The following ADGRL4 variants were observed in gnomAD, a reference collection of about 807,000 sequenced individuals.
ADGRL4 encodes the protein adhesion G protein-coupled receptor L4.
In ADGRL4, 90 loss-of-function variants were observed where a neutral mutation model predicts 74.8. That is an observed-to-expected ratio of 1.20 (90% confidence interval 1.02 to 1.43). ADGRL4 has a LOEUF of 1.43. Among genes scored for constraint, ADGRL4 ranks in the 40% most tolerant of loss-of-function variants. ADGRL4 has a pLI of 0.00. For synonymous variants in ADGRL4, 311 were observed against 279.2 expected (o/e 1.11, Z -1.14); for missense variants, 881 against 814.3 (o/e 1.08, Z -1.00).
Position 78,891,109 on chromosome 1 carries a change from A to T in ADGRL4, c.*45T>A. On this transcript the variant is annotated 3_prime_UTR_variant, in exon 15 of 15. Transcript: ENST00000370742. ...TATACATTGGTCATCCACAGCTTGG[A>T]ATTTTTATTTTTGTGCAGTTGTAAT... is the stretch of plus-strand genomic sequence containing the variant. The T allele has an allele frequency of 6.3e-7, 1 of 1,588,144 alleles. No individual in the cohort carries two copies. Among genetic ancestry groups the T allele is most frequent in the Non-Finnish European group, 8.6e-7 (1 of 1,157,294 alleles).
At chr1:78,926,667 T>C (rs989637296) in intron 8 of ADGRL4, among the ~76,000 whole-genome samples, 1 of 152,028 alleles carries the variant, frequency 6.6e-6, no homozygotes, top group East Asian at 1.9e-4. Context: ...TTCCAGAGAA[T>C]CAAATTAATG....
chr1:78,932,803 CA>C (rs929266340), intron 7 of ADGRL4, among the ~76,000 whole-genome samples: 1 of 151,184 alleles, frequency 6.6e-6, no homozygotes, highest in African/African-American at 2.5e-5. Context: ...CATCTTCATG[CA>C]AAAAAACTAG....
intron 2 of ADGRL4, among the ~76,000 whole-genome samples, chr1:78,967,814 G>T (rs1458473171): frequency 6.7e-6 from 1 of 149,954 alleles, no homozygotes; most frequent in Non-Finnish European, 1.5e-5. Context: ...TAAAATTTTC[G>T]AGTCATCATT....
Position 78,945,744 on chromosome 1 carries a change from T to C in ADGRL4, c.325+530A>G, listed in dbSNP as rs546550416. Among the ~76,000 whole-genome samples the C allele has an allele frequency of 3.9e-5, 6 of 152,306 alleles. No individual in the cohort carries two copies. The South Asian group carries it at 8.3e-4, about 21-fold the overall frequency. Reference sequence around the variant, plus strand: ...ATTTTAGTGACCCTACATGATTTTATAAAGAATTTTCTGACTCTAGTGTTC... The same window carrying C: ...ATTTTAGTGACCCTACATGATTTTACAAAGAATTTTCTGACTCTAGTGTTC... On this transcript the variant is annotated intron_variant, in intron 3 of 14. Coordinates refer to ENST00000370742, the MANE Select transcript of ADGRL4 (RefSeq NM_022159.4).
In ADGRL4 at chr1:78,890,936, G is replaced by A; in HGVS notation, c.*218C>T. On this transcript the variant is annotated 3_prime_UTR_variant, in exon 15 of 15. Transcript: ENST00000370742. ...AATATCTGCAATACTATTTTTGACA[G>A]AACTATTTCACATAGAAAAACATAG... 1.8e-6 allele frequency: 1 copy of A among 540,912 alleles called. No individual in the cohort carries two copies. The highest frequency in any genetic ancestry group is 3.3e-6 in the Non-Finnish European group (1 of 299,192). The allele number at this position is 540,912 out of a possible 1,614,324, so 33.5% of individuals were successfully genotyped here.
chr1:78,946,334 C>A lies in ADGRL4; in HGVS notation c.265G>T (p.Gly89Cys), dbSNP rs760468535. The change falls in exon 3 of 15, where the codon GGC becomes TGC. Residue 89 changes from glycine (G) to cysteine (C), a missense_variant. Transcript: ENST00000370742. ...TCTTGGTTACTGCTGGATCTGAAGC[C>A]AGGTACACACATACAATAATAACTT... The part of the protein sequence containing the change: ...EGSYYCMCVP[G>C]FRSSSNQDRF... 1 of 1,613,252 alleles carries A rather than the reference C, an allele frequency of 6.2e-7. No homozygotes were observed. The highest frequency in any genetic ancestry group is 1.1e-5 in the South Asian group (1 of 90,998).
At chr1:78,948,941 G>C (rs1288690618) in intron 2 of ADGRL4, among the ~76,000 whole-genome samples, 1 of 151,990 alleles carries the variant, frequency 6.6e-6, no homozygotes, top group Non-Finnish European at 1.5e-5. Context: ...CATTCTAAAG[G>C]CAAGTTAACA....
At chr1:78,934,977 A>T (rs370408277) in intron 7 of ADGRL4, among the ~76,000 whole-genome samples, 3 of 152,312 alleles carry the variant, frequency 2.0e-5, no homozygotes, top group East Asian at 3.9e-4. Context: ...TAGTTCAACC[A>T]TTGTGGAAGA....
chr1:78,952,328 C>CTTTTTTT (rs10647389), intron 2 of ADGRL4, among the ~76,000 whole-genome samples: 5 of 119,698 alleles, frequency 4.2e-5, no homozygotes, highest in Admixed American at 2.8e-4. Flanking sequence ...ACATAGAAAG[C>CTTTTTTT]TTTTTTTTTT....
chr1:78,997,213 A>C (rs1242486647), intron 2 of ADGRL4, among the ~76,000 whole-genome samples: 1 of 152,192 alleles, frequency 6.6e-6, no homozygotes, highest in African/African-American at 2.4e-5. Flanking sequence ...AAAAAGGGGA[A>C]TGGTACTGAG....
At chr1:78,981,357 C>T (rs1409597133) in intron 2 of ADGRL4, among the ~76,000 whole-genome samples, 3 of 151,936 alleles carry the variant, frequency 2.0e-5, no homozygotes, top group African/African-American at 7.2e-5. Flanking sequence ...TGTTAGGAAA[C>T]CATGACTTTA....
Position 78,973,057 on chromosome 1 carries a change from A to T in ADGRL4, c.173-26631T>A, listed in dbSNP as rs550635092. On this transcript the variant is annotated intron_variant, in intron 2 of 14. Coordinates refer to ENST00000370742, the MANE Select transcript of ADGRL4 (RefSeq NM_022159.4). ...TGTTAGCATTAGCATTTTCTCTCAA[A>T]TATCATTTCCTCCTTTAACTCCTTT... is the stretch of plus-strand genomic sequence containing the variant. Among the ~76,000 whole-genome samples, 5 of 152,214 alleles carry T rather than the reference A, an allele frequency of 3.3e-5. No individual in the cohort carries two copies. In the South Asian group the frequency reaches 1.0e-3, roughly 32 times the overall value.
At position 78,938,153 on chromosome 1, in the gene ADGRL4, AACC is replaced by A; in HGVS notation, c.520_522del (p.Gly174del). 6.2e-7 allele frequency: 1 copy of A among 1,613,100 alleles called. No individual in the cohort carries two copies. Among genetic ancestry groups the A allele is most frequent in the Non-Finnish European group, 8.5e-7 (1 of 1,179,640 alleles). ...TTGGCTGAGATAGTGTTGTTCTTGTAACCTAGTAATGAAGATGATTCAGCTAAT... is the reference window on the plus strand; with the variant it reads ...TTGGCTGAGATAGTGTTGTTCTTGTATAGTAATGAAGATGATTCAGCTAAT... On this transcript the variant is annotated inframe_deletion, in exon 5 of 15. Coordinates refer to ENST00000370742, the MANE Select transcript of ADGRL4 (RefSeq NM_022159.4).
chr1:78,892,192 A>G (rs992611745), intron 13 of ADGRL4, among the ~76,000 whole-genome samples: 1 of 152,156 alleles, frequency 6.6e-6, no homozygotes, highest in African/African-American at 2.4e-5. Flanking sequence ...AACGTGTAGG[A>G]TATAAAAATA....
intron 12 of ADGRL4, among the ~76,000 whole-genome samples, chr1:78,913,075 A>T (rs904179799): frequency 4.6e-5 from 7 of 151,982 alleles, no homozygotes; most frequent in Admixed American, 4.6e-4. Flanking sequence ...TGCAAATCAA[A>T]ACCACAGTGA....
chr1:78,965,821 A>G lies in ADGRL4; in HGVS notation c.173-19395T>C, dbSNP rs995734449. Among the ~76,000 whole-genome samples, 25 of 152,336 alleles carry G rather than the reference A, an allele frequency of 1.6e-4. No homozygotes were observed. The East Asian group carries it at 4.8e-3, about 29-fold the overall frequency. On this transcript the variant is annotated intron_variant, in intron 2 of 14. Transcript: ENST00000370742. ...GACATCTTAAGTCACTCACTGAAGA[A>G]CACAGCATTAGAGAATGACATAGCT...
chr1:78,978,075 G>T (rs905211089), intron 2 of ADGRL4, among the ~76,000 whole-genome samples: 16 of 151,780 alleles, frequency 1.1e-4, no homozygotes, highest in African/African-American at 3.4e-4. Flanking sequence ...CTTTACCTTG[G>T]TCATGTGGAA....
chr1:78,945,177 A>AAAAAAAAAAATATATAT (rs376405445), intron 3 of ADGRL4, among the ~76,000 whole-genome samples: 324 of 127,792 alleles, frequency 2.5e-3, no homozygotes, highest in East Asian at 5.0e-3. Context: ...AAAAAAAAAA[A>AAAAAAAAAAATATATAT]ATATATATAT....
chr1:78,994,378 G>A (rs1570277890), intron 2 of ADGRL4, among the ~76,000 whole-genome samples: 2 of 152,130 alleles, frequency 1.3e-5, no homozygotes, highest in Admixed American at 6.5e-5. Flanking sequence ...ACCATTCACG[G>A]TCTTTCAATA....
Sources: gnomAD v4.1 joint callset for allele counts (sites outside exome capture counted in the v4.1 genomes callset) on GRCh38, gnomAD v4.1.1 for gene constraint, MANE v1.5 for transcripts, NCBI Gene and HGNC (gene_info 2026-07-23, HGNC 2026-07-21) for gene names.